SOX5: variants seen among roughly 807,000 people sequenced by gnomAD.
SOX5 encodes the protein transcription factor SOX-5.
Under a neutral mutation model 92.0 loss-of-function variants are expected in SOX5, and 9 were observed. The ratio of observed to expected loss-of-function variants is 0.10; its 90% CI spans 0.06 to 0.17. The LOEUF (loss-of-function observed/expected upper bound fraction) is 0.17, where lower values mean the gene tolerates loss of function less well. Among genes scored for constraint, SOX5 ranks in the 10% least tolerant of loss-of-function variants. The pLI, the probability that SOX5 is intolerant of heterozygous loss-of-function variation, is 1.00. For missense variants in SOX5, 642 were observed against 944.5 expected, an observed-to-expected ratio of 0.68 and a Z score of 4.20; for synonymous variants, 344 against 336.3, an observed-to-expected ratio of 1.02 and a Z score of -0.25.
intron 4 of SOX5, among the ~76,000 whole-genome samples, chr12:24,000,307 T>C (rs929861536): frequency 4.0e-5 from 6 of 151,870 alleles, no homozygotes; most frequent in African/African-American, 1.4e-4. Flanking sequence ...ATTTTCATCC[T>C]TTTCTCTCCA....
At chr12:24,163,083 C>T (rs1200062660) in intron 4 of SOX5, among the ~76,000 whole-genome samples, 1 of 152,088 alleles carries the variant, frequency 6.6e-6, no homozygotes, top group Non-Finnish European at 1.5e-5. Flanking sequence ...TCTAAAGGCA[C>T]TACCTAACAG....
intron 4 of SOX5, among the ~76,000 whole-genome samples, chr12:24,093,482 C>T (rs1944921012): frequency 6.7e-6 from 1 of 149,924 alleles, no homozygotes; most frequent in African/African-American, 2.5e-5. Flanking sequence ...AAGATCGCGC[C>T]ACTGCACTCC....
chr12:23,798,774 T>C (rs1212592810), intron 3 of SOX5, among the ~76,000 whole-genome samples: 1 of 151,988 alleles, frequency 6.6e-6, no homozygotes, highest in South Asian at 2.1e-4. Flanking sequence ...AATTTGAGAT[T>C]ACTAAAGTAA....
intron 3 of SOX5, among the ~76,000 whole-genome samples, chr12:23,808,949 A>G (rs565759467): frequency 6.6e-6 from 1 of 152,192 alleles, no homozygotes; most frequent in Non-Finnish European, 1.5e-5. Context: ...AATTTAAATT[A>G]TAATCCTCAG....
At chr12:23,734,363 C>T (rs1399649794) in intron 6 of SOX5, among the ~76,000 whole-genome samples, 1 of 152,156 alleles carries the variant, frequency 6.6e-6, no homozygotes, top group African/African-American at 2.4e-5. Flanking sequence ...TGGTTCCCTG[C>T]ACCTATCCAG....
chr12:24,102,870 A>T (rs1569542876), intron 4 of SOX5, among the ~76,000 whole-genome samples: 1 of 152,232 alleles, frequency 6.6e-6, no homozygotes, highest in Non-Finnish European at 1.5e-5. Flanking sequence ...CTTTGTTCCA[A>T]GCTATTAACC....
At chr12:23,593,963 ACTT>A (rs1342090032) in intron 9 of SOX5, among the ~76,000 whole-genome samples, 1 of 152,176 alleles carries the variant, frequency 6.6e-6, no homozygotes, top group Non-Finnish European at 1.5e-5. Flanking sequence ...TTGTTTATCT[ACTT>A]AAAAGGCATT....
chr12:23,828,482 T>C (rs1262369500), intron 3 of SOX5, among the ~76,000 whole-genome samples: 2 of 152,222 alleles, frequency 1.3e-5, no homozygotes, highest in African/African-American at 4.8e-5. Flanking sequence ...GTCAGTGTTT[T>C]AGAATTTACC....
At chr12:24,021,052 AC>A (rs1393877653) in intron 4 of SOX5, among the ~76,000 whole-genome samples, 2 of 152,180 alleles carry the variant, frequency 1.3e-5, no homozygotes, top group Admixed American at 6.5e-5. Flanking sequence ...CAGAGTCACA[AC>A]CACCACAGGA....
At chr12:24,099,683 A>G (rs1390765820) in intron 4 of SOX5, among the ~76,000 whole-genome samples, 2 of 152,126 alleles carry the variant, frequency 1.3e-5, no homozygotes, top group African/African-American at 4.8e-5. Context: ...ATCATGTACT[A>G]GAGTTAACTA....
intron 8 of SOX5, among the ~76,000 whole-genome samples, chr12:23,605,716 G>A (rs937794320): frequency 2.6e-5 from 4 of 151,800 alleles, no homozygotes; most frequent in Non-Finnish European, 5.9e-5. Flanking sequence ...GATTAGCAGT[G>A]TCTCTCTCTA....
chr12:24,172,936 G>C (rs1203607274), intron 4 of SOX5, among the ~76,000 whole-genome samples: 1 of 152,100 alleles, frequency 6.6e-6, no homozygotes, highest in Non-Finnish European at 1.5e-5. Context: ...AGCACCCTAG[G>C]AACCTTTTCA....
intron 4 of SOX5, among the ~76,000 whole-genome samples, chr12:24,005,419 C>T (rs896137695): frequency 6.6e-6 from 1 of 152,080 alleles, no homozygotes; most frequent in East Asian, 1.9e-4. Flanking sequence ...CCTTTTGTTA[C>T]ATTTGCCCAC....
rs1569524466 is a variant in SOX5, at chr12:24,052,247, T to G, written c.-1-156223A>C. On this transcript the variant is annotated intron_variant, in intron 4 of 4. Transcript: ENST00000446891. ...CAGGAATGAGAGAATCAAGACACTA[T>G]TAATGAAACAGAGTAAATGAAATAC... 2.0e-5 allele frequency among the ~76,000 whole-genome samples: 3 copies of G among 152,280 alleles called. No individual in the cohort carries two copies. The East Asian group carries it at 5.8e-4, about 29-fold the overall frequency.
intron 1 of SOX5, among the ~76,000 whole-genome samples, chr12:24,561,508 G>GA (rs1954336006): frequency 2.0e-5 from 3 of 152,134 alleles, no homozygotes; most frequent in African/African-American, 7.2e-5. Context: ...ATTTCAACTC[G>GA]TATAACCTCT....
At chr12:24,265,340 G>A (rs534174555) in intron 3 of SOX5, among the ~76,000 whole-genome samples, 4 of 152,074 alleles carry the variant, frequency 2.6e-5, no homozygotes, top group African/African-American at 4.8e-5. Context: ...ACAGGAGTTC[G>A]AGACTAGCCT....
intron 7 of SOX5, among the ~76,000 whole-genome samples, chr12:23,656,172 C>T (rs1484199329): frequency 7.1e-6 from 1 of 141,334 alleles, no homozygotes; most frequent in Non-Finnish European, 1.5e-5. Context: ...GTCTTCTGAC[C>T]CCTTGTTTCA....
intron 3 of SOX5, among the ~76,000 whole-genome samples, chr12:24,248,909 T>C (rs907492962): frequency 2.1e-4 from 32 of 152,328 alleles, no homozygotes; most frequent in Middle Eastern, 3.4e-3. Flanking sequence ...TGCCGTTCAA[T>C]TGACTGAAAG....
At chr12:23,808,414 A>AT (rs2095818948) in intron 3 of SOX5, among the ~76,000 whole-genome samples, 1 of 152,160 alleles carries the variant, frequency 6.6e-6, no homozygotes, top group Non-Finnish European at 1.5e-5. Flanking sequence ...TCCACTGGTA[A>AT]TTGACTTTTA....
Sources: allele counts gnomAD v4.1 joint callset (sites outside exome capture counted in the v4.1 genomes callset), GRCh38; gene constraint gnomAD v4.1.1; transcripts MANE v1.5; gene names NCBI Gene and HGNC (gene_info 2026-07-23, HGNC 2026-07-21).